The following DLG2 variants were observed in gnomAD, a reference collection of about 807,000 sequenced individuals.
DLG2 encodes disks large homolog 2.
In DLG2, 45 loss-of-function variants were observed where a neutral mutation model predicts 132.5. The ratio of observed to expected loss-of-function variants is 0.34; its 90% CI spans 0.27 to 0.44. The LOEUF (loss-of-function observed/expected upper bound fraction) is 0.44. Ranked by LOEUF, DLG2 falls within the 20% of genes least tolerant of loss-of-function variation. The pLI is 1.00. For synonymous variants in DLG2, 424 were observed against 419.6 expected (o/e 1.01, Z -0.13); for missense variants, 1,045 against 1,196.9 (o/e 0.87, Z 1.87).
chr11:85,013,426 C>T (rs1221535171), intron 6 of DLG2, among the ~76,000 whole-genome samples: 5 of 152,142 alleles, frequency 3.3e-5, no homozygotes, highest in South Asian at 2.1e-4. Context: ...AGCAAAGATG[C>T]CCCAGCTAGA....
intron 3 of DLG2, among the ~76,000 whole-genome samples, chr11:85,307,888 C>T (rs1016860951): frequency 6.6e-5 from 10 of 152,184 alleles, no homozygotes; most frequent in Non-Finnish European, 1.2e-4. Flanking sequence ...GGCGCGGTGG[C>T]TCATGCCTGT....
intron 6 of DLG2, among the ~76,000 whole-genome samples, chr11:84,839,863 G>A (rs1192323068): frequency 1.3e-5 from 2 of 152,064 alleles, no homozygotes; most frequent in Non-Finnish European, 2.9e-5. Flanking sequence ...ATACTTAAAT[G>A]TTAGGCCTAT....
intron 3 of DLG2, among the ~76,000 whole-genome samples, chr11:85,352,599 A>T (rs1304996637): frequency 6.6e-6 from 1 of 152,052 alleles, no homozygotes; most frequent in Non-Finnish European, 1.5e-5. Flanking sequence ...GATTCTGGCT[A>T]CAGTAACCAA....
At chr11:83,865,193 A>G (rs764725885) in intron 16 of DLG2, among the ~76,000 whole-genome samples, 1 of 152,176 alleles carries the variant, frequency 6.6e-6, no homozygotes, top group Non-Finnish European at 1.5e-5. Context: ...ATTGGAATGT[A>G]TGTGACATTT....
chr11:84,876,649 A>AT (rs2086397157), intron 6 of DLG2, among the ~76,000 whole-genome samples: 2 of 151,906 alleles, frequency 1.3e-5, no homozygotes, highest in East Asian at 1.9e-4. Flanking sequence ...GGATTCATTG[A>AT]TTTTTTGAAG....
intron 3 of DLG2, among the ~76,000 whole-genome samples, chr11:85,451,007 T>A (rs2092221423): frequency 6.6e-6 from 1 of 152,130 alleles, no homozygotes; most frequent in Non-Finnish European, 1.5e-5. Context: ...ATTATTCACA[T>A]GCCAACAACT....
chr11:84,478,453 A>AATG (rs2099127712), intron 7 of DLG2, among the ~76,000 whole-genome samples: 1 of 152,086 alleles, frequency 6.6e-6, no homozygotes, highest in South Asian at 2.1e-4. Flanking sequence ...ATATAATTCT[A>AATG]ATGCATGATT....
chr11:84,993,575 A>G (rs1282790950), intron 6 of DLG2, among the ~76,000 whole-genome samples: 1 of 152,164 alleles, frequency 6.6e-6, no homozygotes, highest in Non-Finnish European at 1.5e-5. Context: ...CCTTTGTCCT[A>G]CCGTGGGTAC....
intron 3 of DLG2, among the ~76,000 whole-genome samples, chr11:85,324,754 T>G (rs1014339602): frequency 7.5e-6 from 1 of 134,070 alleles, no homozygotes; most frequent in Non-Finnish European, 1.7e-5. Flanking sequence ...GAAAAAGAAG[T>G]TGGGGAGGGA....
rs71469632 is a variant in DLG2 at position 84,156,970 on chromosome 11, T to G, written c.624+6491A>C. 2.1e-4 allele frequency among the ~76,000 whole-genome samples: 32 copies of G among 152,262 alleles called. 1 individual carries two copies. Among genetic ancestry groups the G allele is most frequent in the Admixed American group, 2.0e-3 (31 of 15,302 alleles). On this transcript the variant is annotated intron_variant, in intron 9 of 27. Coordinates refer to ENST00000376104, the MANE Select transcript of DLG2 (RefSeq NM_001142699.3). ...GATCTTTTTGAAAATTCCTAATTTC[T>G]AATAGAATTAAGGATCTGTTACTTC...
intron 3 of DLG2, among the ~76,000 whole-genome samples, chr11:85,523,021 G>T (rs1479691701): frequency 6.6e-6 from 1 of 152,186 alleles, no homozygotes; most frequent in African/African-American, 2.4e-5. Context: ...GAATGATATG[G>T]TCTGGCTTTG....
At chr11:83,482,467 G>A (rs922020899) in intron 22 of DLG2, among the ~76,000 whole-genome samples, 1 of 151,942 alleles carries the variant, frequency 6.6e-6, no homozygotes, top group African/African-American at 2.4e-5. Context: ...TAAGACACAG[G>A]ATAATTATTT....
chr11:85,125,256 C>T (rs1180106523), intron 5 of DLG2, among the ~76,000 whole-genome samples: 1 of 152,182 alleles, frequency 6.6e-6, no homozygotes. Flanking sequence ...ACAATACTCT[C>T]AGTCTCATAG....
chr11:83,717,190 G>A (rs1473792554), intron 18 of DLG2, among the ~76,000 whole-genome samples: 1 of 152,110 alleles, frequency 6.6e-6, no homozygotes, highest in Non-Finnish European at 1.5e-5. Context: ...TGAAGCTACA[G>A]AGAACATGAT....
At chr11:84,255,471 C>G (rs922384406) in intron 7 of DLG2, among the ~76,000 whole-genome samples, 2 of 152,078 alleles carry the variant, frequency 1.3e-5, no homozygotes, top group African/African-American at 2.4e-5. Context: ...TTACAGGCAC[C>G]TGCCACCACG....
At chr11:85,323,138 G>C (rs1317263184) in intron 3 of DLG2, among the ~76,000 whole-genome samples, 2 of 152,154 alleles carry the variant, frequency 1.3e-5, no homozygotes, top group African/African-American at 4.8e-5. Context: ...TCACTGTGAG[G>C]AGCTGGAGGA....
chr11:85,302,237 T>C (rs900806109), intron 3 of DLG2, among the ~76,000 whole-genome samples: 1 of 152,338 alleles, frequency 6.6e-6, no homozygotes, highest in Admixed American at 6.5e-5. Context: ...TGACTTTTGG[T>C]CTGTTATTTC....
chr11:84,790,769 G>C (rs934221040), intron 6 of DLG2, among the ~76,000 whole-genome samples: 1 of 152,174 alleles, frequency 6.6e-6, no homozygotes, highest in African/African-American at 2.4e-5. Flanking sequence ...TGTATACGAT[G>C]AGAGACAGTA....
intron 4 of DLG2, among the ~76,000 whole-genome samples, chr11:85,281,960 G>C (rs1314058587): frequency 2.0e-5 from 3 of 151,754 alleles, no homozygotes; most frequent in Non-Finnish European, 2.9e-5. Context: ...ATCAATCAAA[G>C]TGTCCATCAA....
Sources: gnomAD v4.1 joint callset for allele counts (sites outside exome capture counted in the v4.1 genomes callset) on GRCh38, gnomAD v4.1.1 for gene constraint, MANE v1.5 for transcripts, NCBI Gene and HGNC (gene_info 2026-07-23, HGNC 2026-07-21) for gene names.